The following NR5A2 variants were observed in gnomAD, a reference collection of about 807,000 sequenced individuals.
NR5A2 encodes nuclear receptor subfamily 5 group A member 2.
NR5A2 carries 26 observed loss-of-function variants against 62.7 expected under a neutral mutation model. The observed-to-expected ratio is 0.41, with a 90% CI of 0.30 to 0.58. The LOEUF is 0.58. Among genes scored for constraint, NR5A2 ranks in the 20% least tolerant of loss-of-function variants. The pLI is 0.22. For synonymous variants in NR5A2, 246 were observed against 241.7 expected (o/e 1.02, Z -0.16); for missense variants, 541 against 669.1 (o/e 0.81, Z 2.11).
At chr1:200,032,666 GATATAT>G (rs148188489) in intron 1 of NR5A2, among the ~76,000 whole-genome samples, 1 of 149,946 alleles carries the variant, frequency 6.7e-6, no homozygotes, top group African/African-American at 2.4e-5. Flanking sequence ...AAGGGGAACT[GATATAT>G]ATATATATAT....
chr1:200,074,417 GAAA>G (rs200275646), intron 5 of NR5A2, among the ~76,000 whole-genome samples: 1 of 140,580 alleles, frequency 7.1e-6, no homozygotes, highest in African/African-American at 2.7e-5. Flanking sequence ...AAAAAAAAAA[GAAA>G]AAAAAACAAG....
intron 7 of NR5A2, among the ~76,000 whole-genome samples, chr1:200,125,441 G>A (rs1666659247): frequency 6.6e-6 from 1 of 152,176 alleles, no homozygotes; most frequent in Admixed American, 6.5e-5. Flanking sequence ...TTGTCCTCAT[G>A]GAGACAAACA....
At chr1:200,168,962 T>G (rs1449472428) in intron 7 of NR5A2, among the ~76,000 whole-genome samples, 2 of 152,238 alleles carry the variant, frequency 1.3e-5, no homozygotes, top group Non-Finnish European at 2.9e-5. Context: ...TTGTCATCTC[T>G]CTAAAGACCT....
intron 7 of NR5A2, among the ~76,000 whole-genome samples, chr1:200,144,377 G>C (rs547925009): frequency 3.3e-4 from 50 of 152,096 alleles, no homozygotes; most frequent in African/African-American, 1.2e-3. Context: ...TCAGCACACT[G>C]TTGCCCAACA....
rs1474291454 is a variant in NR5A2, at chr1:200,111,274, G to A, written c.1183G>A (p.Val395Met). The A allele has an allele frequency of 1.2e-6, 2 of 1,612,550 alleles. No individual in the cohort carries two copies. The highest frequency in any genetic ancestry group is 4.5e-5 in the East Asian group (2 of 44,840). Residue 395 changes from valine to methionine, a missense_variant, in exon 6 of 8, where the codon GTG (valine) becomes ATG (methionine). This residue lies in a region of NR5A2 where 379 missense variants were observed against 442.0 expected (regional missense o/e 0.86). Transcript: ENST00000367362. ...LLILDHIYRQ[V>M]VHGKEGSIFL... ...AATCCTCGACCACATTTACCGACAA[G>A]TGGTACATGGAAAGGAAGGATCCAT...
At chr1:200,042,688 T>C (rs1662163392) in intron 2 of NR5A2, 9 of 427,378 alleles carry the variant, frequency 2.1e-5, no homozygotes, top group Non-Finnish European at 2.8e-5. Context: ...GCGGGCAGGG[T>C]CCCGGCTGCG....
At chr1:200,123,750 A>ATTTT (rs11397949) in intron 7 of NR5A2, among the ~76,000 whole-genome samples, 7 of 52,818 alleles carry the variant, frequency 1.3e-4, no homozygotes, top group African/African-American at 3.4e-4. Context: ...TACTTATTTA[A>ATTTT]TTTTTTTTTT....
chr1:200,095,106 T>C (rs1314710721), intron 5 of NR5A2, among the ~76,000 whole-genome samples: 2 of 140,928 alleles, frequency 1.4e-5, no homozygotes, highest in African/African-American at 2.7e-5. Flanking sequence ...TCAGGCTCCA[T>C]CTGACCTCCT....
At chr1:200,084,239 A>G (rs890558351) in intron 5 of NR5A2, among the ~76,000 whole-genome samples, 1 of 152,128 alleles carries the variant, frequency 6.6e-6, no homozygotes, top group Non-Finnish European at 1.5e-5. Flanking sequence ...AAAAGCACTT[A>G]TAATCTGGCA....
chr1:200,065,413 G>A (rs1237216601), intron 5 of NR5A2, among the ~76,000 whole-genome samples: 1 of 152,170 alleles, frequency 6.6e-6, no homozygotes, highest in African/African-American at 2.4e-5. Flanking sequence ...AAAATGTTGG[G>A]ATTACAGGCG....
chr1:200,032,176 C>T (rs1424230386), intron 1 of NR5A2, among the ~76,000 whole-genome samples: 3 of 152,198 alleles, frequency 2.0e-5, no homozygotes, highest in African/African-American at 4.8e-5. Context: ...CTTCCTCACG[C>T]TTCACCTTAT....
In NR5A2 at chr1:200,147,128, A is replaced by T. The variant is rs920618616; in HGVS notation, c.1378+26173A>T. On this transcript the variant is annotated intron_variant, in intron 7 of 7. Transcript: ENST00000367362. The surrounding 1 kb of genome is among the most constrained non-coding windows in gnomAD (Gnocchi z 4.9). ...TAAGGGCTGGTGAGGAAAATAAAAA[A>T]TGTTTCCGAAAAAAGTGGGCTGTGA... Among the ~76,000 whole-genome samples the T allele has an allele frequency of 6.6e-6, 1 of 152,228 alleles. No individual in the cohort carries two copies. The highest frequency in any genetic ancestry group is 2.4e-5 in the African/African-American group (1 of 41,466).
chr1:200,127,603 G>T lies in NR5A2; in HGVS notation c.1378+6648G>T, dbSNP rs573220043. ...GAGGCAGGAGAATCACTTCAACCCAGGGGGCGGAGGTTGCAGTGAGCTGAG... is the reference window on the plus strand; with the variant it reads ...GAGGCAGGAGAATCACTTCAACCCATGGGGCGGAGGTTGCAGTGAGCTGAG... On this transcript the variant is annotated intron_variant, in intron 7 of 7. Coordinates refer to ENST00000367362, the MANE Select transcript of NR5A2 (RefSeq NM_205860.3). 1.3e-4 allele frequency among the ~76,000 whole-genome samples: 18 copies of T among 141,008 alleles called. No homozygotes were observed. The East Asian group carries it at 4.0e-3, about 31-fold the overall frequency. The allele number at this position is 141,008 out of a possible 152,430, so 92.5% of individuals were successfully genotyped here. A position where few individuals can be genotyped will look rare whatever the true frequency, so the allele number is the denominator to read the frequency against.
chr1:200,051,290 G>A (rs1662619134), intron 5 of NR5A2, among the ~76,000 whole-genome samples: 1 of 119,354 alleles, frequency 8.4e-6, no homozygotes, highest in Non-Finnish European at 1.6e-5. Flanking sequence ...TGTAAAAAAG[G>A]AAACATGAAG....
At chr1:200,134,752 G>A (rs1441063751) in intron 7 of NR5A2, among the ~76,000 whole-genome samples, 1 of 152,176 alleles carries the variant, frequency 6.6e-6, no homozygotes, top group Non-Finnish European at 1.5e-5. Flanking sequence ...GAATTTTTAA[G>A]TGCAGATTTA....
At chr1:200,137,354 CGA>C (rs961533192) in intron 7 of NR5A2, among the ~76,000 whole-genome samples, 6 of 143,742 alleles carry the variant, frequency 4.2e-5, no homozygotes, top group Non-Finnish European at 9.0e-5. Context: ...TTGGTAGAGA[CGA>C]GGTTTCACCA....
chr1:200,078,066 T>A (rs140370235), intron 5 of NR5A2, among the ~76,000 whole-genome samples: 235 of 152,280 alleles, frequency 1.5e-3, no homozygotes, highest in African/African-American at 4.4e-3. Flanking sequence ...CACGTTTCTG[T>A]GAAGATTCAA....
Position 200,175,509 on chromosome 1 carries a change from G to T in NR5A2, c.*1299G>T, listed in dbSNP as rs897638267. 6.6e-6 allele frequency: 1 copy of T among 152,636 alleles called. No homozygotes were observed. Among genetic ancestry groups the T allele is most frequent in the Non-Finnish European group, 1.5e-5 (1 of 68,036 alleles). 9.5% of individuals were successfully genotyped at this position (152,636 alleles called of 1,614,324 possible). ...ACTATTATCAGTATTATTAACATGC[G>T]ATGCCACAGGTATGAAAGTCTTGCC... is the stretch of plus-strand genomic sequence containing the variant. On this transcript the variant is annotated 3_prime_UTR_variant, in exon 8 of 8. Transcript: ENST00000367362.
At chr1:200,066,677 T>C (rs1361411329) in intron 5 of NR5A2, among the ~76,000 whole-genome samples, 2 of 142,724 alleles carry the variant, frequency 1.4e-5, no homozygotes, top group Admixed American at 1.5e-4. Flanking sequence ...AACCTCTGCC[T>C]CCTGGGGTCA....
Sources: allele counts gnomAD v4.1 joint callset (sites outside exome capture counted in the v4.1 genomes callset), GRCh38; gene constraint gnomAD v4.1.1; regional missense constraint gnomAD v4.1.1; non-coding constraint Gnocchi (gnomAD v3.1); transcripts MANE v1.5; gene names NCBI Gene and HGNC (gene_info 2026-07-23, HGNC 2026-07-21).